Variants in ARID1B observed in about 807,000 individuals in gnomAD.
The protein encoded by ARID1B is AT-rich interaction domain 1B.
A neutral mutation model predicts 212.3 loss-of-function variants in ARID1B; 30 were observed. The observed-to-expected ratio is 0.14, with a 90% CI of 0.11 to 0.19. ARID1B has a LOEUF of 0.19. ARID1B is among the 10% of genes least tolerant of loss of function. The probability of loss-of-function intolerance (pLI) is 1.00; values close to 1 mark genes in which losing one functional copy is unlikely to be tolerated. For missense variants in ARID1B, 2,891 were observed against 3,204.0 expected (o/e 0.90, Z 2.36); for synonymous variants, 1,402 against 1,301.7 (o/e 1.08, Z -1.66).
chr6:157,178,688 GACA>G (rs1792286886), intron 11 of ARID1B, among the ~76,000 whole-genome samples: 2 of 151,738 alleles, frequency 1.3e-5, no homozygotes, highest in African/African-American at 2.4e-5. Context: ...CCAGTGTTAT[GACA>G]ACAAATTGAG....
At chr6:157,003,729 C>T (rs1385138453) in intron 4 of ARID1B, among the ~76,000 whole-genome samples, 1 of 152,304 alleles carries the variant, frequency 6.6e-6, no homozygotes, top group African/African-American at 2.4e-5. Context: ...TGCTCTGTCA[C>T]CCAGGCTGGG....
Position 157,184,283 on chromosome 6 carries a change from C to T in ARID1B, c.3767C>T (p.Thr1256Ile), listed in dbSNP as rs1162469529. 3 of 1,614,096 alleles carry T rather than the reference C, an allele frequency of 1.9e-6. No individual in the cohort carries two copies. The highest frequency in any genetic ancestry group is 1.7e-6 in the Non-Finnish European group (2 of 1,179,992). ...RELATNLNVG[T>I]SSSAASSLKK... Reference sequence around the variant, plus strand: ...CTGGCAACCAACCTAAACGTTGGCACCTCAAGCAGTGCAGCGAGCTCCCTG... The same window carrying T: ...CTGGCAACCAACCTAAACGTTGGCATCTCAAGCAGTGCAGCGAGCTCCCTG... The change falls in exon 13 of 20, where the codon ACC becomes ATC. Residue 1256 changes from threonine (T) to isoleucine (I), a missense_variant. Coordinates refer to ENST00000636930, the MANE Select transcript of ARID1B (RefSeq NM_001374828.1).
chr6:156,915,815 G>A (rs1433607394), intron 3 of ARID1B, among the ~76,000 whole-genome samples: 1 of 151,424 alleles, frequency 6.6e-6, no homozygotes, highest in Non-Finnish European at 1.5e-5. Flanking sequence ...GGGATCACTT[G>A]AACCTGGGAG....
chr6:156,959,942 T>C (rs1794251191), intron 4 of ARID1B, among the ~76,000 whole-genome samples: 2 of 149,160 alleles, frequency 1.3e-5, no homozygotes, highest in African/African-American at 4.9e-5. Context: ...TTTTTTTTTT[T>C]TTTCTCGAGA....
intron 4 of ARID1B, chr6:156,942,412 C>T (rs188911109): frequency 2.6e-5 from 4 of 152,284 alleles, no homozygotes; most frequent in African/African-American, 9.6e-5. Context: ...TGTGAGGCCA[C>T]GGAGCTCTTC....
intron 2 of ARID1B, among the ~76,000 whole-genome samples, chr6:156,841,108 A>G (rs887263013): frequency 1.3e-5 from 2 of 152,226 alleles, no homozygotes; most frequent in African/African-American, 4.8e-5. Flanking sequence ...TGGTGGAAGA[A>G]CAGGGCCTGG....
intron 4 of ARID1B, among the ~76,000 whole-genome samples, chr6:157,083,502 C>G (rs980383847): frequency 2.0e-5 from 3 of 152,190 alleles, no homozygotes; most frequent in Admixed American, 6.5e-5. Flanking sequence ...GCGTCCTCTT[C>G]TGCTGAGGGA....
At chr6:156,968,432 G>T (rs139747276) in intron 4 of ARID1B, among the ~76,000 whole-genome samples, 1 of 152,286 alleles carries the variant, frequency 6.6e-6, no homozygotes, top group African/African-American at 2.4e-5. Flanking sequence ...CCCTTAGCAA[G>T]AAAGTAAATC....
At chr6:157,089,668 A>C (rs957916783) in intron 5 of ARID1B, among the ~76,000 whole-genome samples, 3 of 152,140 alleles carry the variant, frequency 2.0e-5, no homozygotes, top group Admixed American at 6.5e-5. Flanking sequence ...CAGTGCCATC[A>C]CAAATTTTCT....
intron 4 of ARID1B, among the ~76,000 whole-genome samples, chr6:157,002,458 ACTT>A (rs1482526234): frequency 1.3e-5 from 2 of 152,248 alleles, no homozygotes; most frequent in Non-Finnish European, 2.9e-5. Flanking sequence ...CAAAGTTGAC[ACTT>A]GTAATACACA....
At position 156,851,791 on chromosome 6, in the gene ARID1B, A is replaced by G. The variant is rs183096584; in HGVS notation, c.1986+22370A>G. Among the ~76,000 whole-genome samples the G allele has an allele frequency of 1.3e-4, 20 of 152,378 alleles. No individual in the cohort carries two copies. In the East Asian group the frequency reaches 2.7e-3, roughly 21 times the overall value. On this transcript the variant is annotated intron_variant, in intron 2 of 19. Coordinates refer to ENST00000636930, the MANE Select transcript of ARID1B (RefSeq NM_001374828.1). ...CTAACATAATGAAAAAGCCCAGCAC[A>G]TACTCAGAGCTGATTTGGCTTTTTA...
At chr6:156,816,200 ATGGAT>A (rs750208017) in intron 1 of ARID1B, among the ~76,000 whole-genome samples, 4 of 152,172 alleles carry the variant, frequency 2.6e-5, no homozygotes, top group Non-Finnish European at 4.4e-5. Flanking sequence ...GGAATAGGAG[ATGGAT>A]GTCTTTCCAG....
intron 4 of ARID1B, among the ~76,000 whole-genome samples, chr6:157,076,306 T>G (rs1784301148): frequency 7.2e-6 from 1 of 139,520 alleles, no homozygotes; most frequent in Admixed American, 7.0e-5. Flanking sequence ...TTTTTTTGTT[T>G]GTTTGTTTTG....
At chr6:157,040,430 G>GT (rs539032643) in intron 4 of ARID1B, among the ~76,000 whole-genome samples, 58 of 152,298 alleles carry the variant, frequency 3.8e-4, no homozygotes, top group African/African-American at 1.2e-3. Context: ...TGTGTCCTGT[G>GT]TATGTCGCCG....
At chr6:156,931,058 C>CGG (rs1447064033) in intron 3 of ARID1B, among the ~76,000 whole-genome samples, 5 of 151,932 alleles carry the variant, frequency 3.3e-5, no homozygotes, top group East Asian at 1.9e-4. Flanking sequence ...GGTGTGGTGG[C>CGG]ACATGCCTGT....
chr6:156,827,846 C>T (rs998726257), intron 1 of ARID1B, among the ~76,000 whole-genome samples: 5 of 147,278 alleles, frequency 3.4e-5, no homozygotes, highest in African/African-American at 7.5e-5. Flanking sequence ...CTGCAGCCTC[C>T]GCCTCCTGGG....
intron 4 of ARID1B, among the ~76,000 whole-genome samples, chr6:157,000,702 T>TTTTTTTTC (rs1778862059): frequency 6.9e-6 from 1 of 144,030 alleles, no homozygotes; most frequent in African/African-American, 2.6e-5. Context: ...TATTCTTTTT[T>TTTTTTTTC]TTTTTTTTTT....
At chr6:156,835,849 C>T (rs1783474733) in intron 2 of ARID1B, among the ~76,000 whole-genome samples, 2 of 152,122 alleles carry the variant, frequency 1.3e-5, no homozygotes, top group African/African-American at 2.4e-5. Context: ...TCAAACAATC[C>T]TCCCACCTCA....
chr6:157,039,600 A>G (rs1781589124), intron 4 of ARID1B, among the ~76,000 whole-genome samples: 1 of 147,420 alleles, frequency 6.8e-6, no homozygotes, highest in Admixed American at 6.7e-5. Context: ...ATATTTTTGA[A>G]TTCCAAAAGC....
Sources: gnomAD v4.1 joint callset for allele counts (sites outside exome capture counted in the v4.1 genomes callset) on GRCh38, gnomAD v4.1.1 for gene constraint, MANE v1.5 for transcripts, NCBI Gene and HGNC (gene_info 2026-07-23, HGNC 2026-07-21) for gene names.